Variants in ALDH7A1 observed in about 807,000 individuals in gnomAD.
ALDH7A1 encodes the protein aldehyde dehydrogenase 7 family member A1.
ALDH7A1 carries 63 observed loss-of-function variants against 79.9 expected under a neutral mutation model. The observed-to-expected ratio is 0.79, with a 90% CI of 0.64 to 0.97. The LOEUF (loss-of-function observed/expected upper bound fraction) is 0.97. Ranked by LOEUF, ALDH7A1 falls within the 50% of genes least tolerant of loss-of-function variation. The pLI is 0.00. For missense variants in ALDH7A1, 627 were observed against 665.2 expected (o/e 0.94, Z 0.63); for synonymous variants, 240 against 231.2 (o/e 1.04, Z -0.34).
At chr5:126,593,303 AATT>A in intron 2 of ALDH7A1, 45 bp downstream of exon 2, 3 of 1,588,650 alleles carry the variant, frequency 1.9e-6, no homozygotes, top group Non-Finnish European at 1.7e-6. Flanking sequence ...GTATAATTTG[AATT>A]AAACACACAC....
rs576390384 is a variant in ALDH7A1 at position 126,548,423 on chromosome 5, C to CTT, written c.1489+1504_1489+1505dup. ...ATGAGCCACCATGCCCAGCCCAAAA[C>CTT]TTTTTTTTTTTTTTTGCGGGGGAAG... On this transcript the variant is annotated intron_variant, in intron 16 of 17. Transcript: ENST00000409134. 8.0e-3 allele frequency among the ~76,000 whole-genome samples: 1,128 copies of CTT among 140,968 alleles called. 10 individuals carry two copies. Among genetic ancestry groups the CTT allele is most frequent in the African/African-American group, 0.022 (821 of 37,824 alleles). The allele number at this position is 140,968 out of a possible 152,430, so 92.5% of individuals were successfully genotyped here. A position where few individuals can be genotyped will look rare whatever the true frequency, so the allele number is the denominator to read the frequency against.
Position 126,565,170 on chromosome 5 carries a change from G to A in ALDH7A1, c.871+3089C>T, listed in dbSNP as rs575351846. ...AGCACTTCGGGAGGCCAAGGCGGGC[G>A]GATCACAAGGTCTGGAGTTTGAGAC... is the stretch of plus-strand genomic sequence containing the variant. On this transcript the variant is annotated intron_variant, in intron 9 of 17. Transcript: ENST00000409134. Among the ~76,000 whole-genome samples the A allele has an allele frequency of 6.6e-5, 10 of 152,102 alleles. No individual in the cohort carries two copies. In the East Asian group the frequency reaches 9.7e-4, roughly 15 times the overall value.
At chr5:126,580,011 G>A (rs753668304) in intron 5 of ALDH7A1, 4 of 167,298 alleles carry the variant, frequency 2.4e-5, no homozygotes, top group Admixed American at 1.3e-4. Flanking sequence ...TTAATTGTGA[G>A]GCAGGCATCA....
rs1311220773 is a variant in ALDH7A1, at chr5:126,544,119, G to A, written c.*846C>T. 1.3e-5 allele frequency: 2 copies of A among 151,966 alleles called. No homozygotes were observed. The highest frequency in any genetic ancestry group is 2.9e-5 in the Non-Finnish European group (2 of 68,044). 9.4% of individuals were successfully genotyped at this position (151,966 alleles called of 1,614,324 possible). A position where few individuals can be genotyped will look rare whatever the true frequency, so the allele number is the denominator to read the frequency against. On this transcript the variant is annotated 3_prime_UTR_variant, in exon 18 of 18. Coordinates refer to ENST00000409134, the MANE Select transcript of ALDH7A1 (RefSeq NM_001182.5). ...ATTACAGGTGCCTGCCACCACACTG[G>A]GCTAATTTTTGTATTTTTTGGTAAA...
Position 126,570,858 on chromosome 5 carries a change from T to C in ALDH7A1, c.697A>G (p.Ile233Val), listed in dbSNP as rs1750746231. 8.7e-6 allele frequency: 14 copies of C among 1,613,704 alleles called. No individual in the cohort carries two copies. The highest frequency in any genetic ancestry group is 1.2e-5 in the Non-Finnish European group (14 of 1,179,796). Residue 233 changes from isoleucine (I) to valine (V), a missense_variant and splice_region_variant, in exon 8 of 18, where the codon ATA becomes GTA. Physicochemically the swap from Ile to Val is conservative, Grantham distance 29 (BLOSUM62 3). Transcript: ENST00000409134. ...TSLISVAVTK[I>V]IAKVLEDNKL... ...TTGTCCTCCAGAACCTTGGCTATTA[T>C]CCTAGAAAGGAAAAAGCAATTACTG...
chr5:126,553,914 C>G (rs527530210), intron 13 of ALDH7A1, among the ~76,000 whole-genome samples: 12 of 152,108 alleles, frequency 7.9e-5, no homozygotes, highest in African/African-American at 2.9e-4. Flanking sequence ...TAGAGACCAG[C>G]CTGGCTAACA....
At chr5:126,559,428 G>A in intron 10 of ALDH7A1, 94 bp from the exon 11 acceptor site, 1 of 718,626 alleles carries the variant, frequency 1.4e-6, no homozygotes, top group Non-Finnish European at 2.1e-6. Flanking sequence ...TTTGTTTTTG[G>A]TTTTGGTTTT....
At chr5:126,580,250 C>T (rs1353111415) in intron 5 of ALDH7A1, among the ~76,000 whole-genome samples, 1 of 152,076 alleles carries the variant, frequency 6.6e-6, no homozygotes, top group Non-Finnish European at 1.5e-5. Flanking sequence ...AGGAATGTGC[C>T]ACCATGCCCA....
Position 126,544,757 on chromosome 5 carries a change from A to G in ALDH7A1, c.*208T>C. 2 of 564,450 alleles carry G rather than the reference A, an allele frequency of 3.5e-6. No individual in the cohort carries two copies. Among genetic ancestry groups the G allele is most frequent in the East Asian group, 6.0e-5 (2 of 33,326 alleles). 35.0% of individuals were successfully genotyped at this position (564,450 alleles called of 1,614,324 possible). On this transcript the variant is annotated 3_prime_UTR_variant, in exon 18 of 18. Coordinates refer to ENST00000409134, the MANE Select transcript of ALDH7A1 (RefSeq NM_001182.5). ...TAAAAATCCACCTAACTCATCTTTT[A>G]GTAACTATGGCTATGTTGTAACAAT...
intron 10 of ALDH7A1, among the ~76,000 whole-genome samples, chr5:126,559,696 G>A (rs1253385427): frequency 6.6e-6 from 1 of 152,156 alleles, no homozygotes; most frequent in Non-Finnish European, 1.5e-5. Flanking sequence ...GCCTCCCAAA[G>A]TGCTGGGATT....
At chr5:126,545,878 C>A (rs1454619677) in intron 17 of ALDH7A1, among the ~76,000 whole-genome samples, 1 of 151,530 alleles carries the variant, frequency 6.6e-6, no homozygotes, top group Non-Finnish European at 1.5e-5. Context: ...TTTGAGAGGC[C>A]GAGGCAGGCA....
At chr5:126,554,171 C>T (rs1470211965) in intron 13 of ALDH7A1, 116 bp downstream of exon 13, 1 of 768,392 alleles carries the variant, frequency 1.3e-6, no homozygotes, top group Non-Finnish European at 2.3e-6. Flanking sequence ...TAAATAAAGA[C>T]AGGAGAAGAA....
chr5:126,550,066 T>TA, intron 15 of ALDH7A1, 64 bp from the exon 16 acceptor site: 1 of 1,581,744 alleles, frequency 6.3e-7, no homozygotes, highest in Non-Finnish European at 8.7e-7. Context: ...CAAAAATAAA[T>TA]AAAAAATCTA....
Position 126,592,708 on chromosome 5 carries a change from C to T in ALDH7A1, c.268G>A (p.Glu90Lys). ...GCTTCTCTTGCTTTCTTTACAGTTT[C>T]TTCATAGTCTGCCACACTGGCCTAA... Reference protein sequence around the residue: ...VRQASVADYEETVKKAREAWK... With the variant: ...VRQASVADYEKTVKKAREAWK... Residue 90 changes from glutamate (E) to lysine (K), a missense_variant, in exon 3 of 18, where the codon GAA becomes AAA. Glu to Lys is a moderately conservative substitution (Grantham distance 56). Transcript: ENST00000409134. 1.2e-6 allele frequency: 2 copies of T among 1,614,078 alleles called. No homozygotes were observed. The highest frequency in any genetic ancestry group is 1.7e-6 in the Non-Finnish European group (2 of 1,179,994).
At chr5:126,590,463 G>A (rs1011338452) in intron 3 of ALDH7A1, among the ~76,000 whole-genome samples, 7 of 152,024 alleles carry the variant, frequency 4.6e-5, no homozygotes, top group Non-Finnish European at 7.4e-5. Flanking sequence ...GGAGACTGAG[G>A]CAGGAGAATC....
At chr5:126,583,582 T>C (rs865895748) in intron 4 of ALDH7A1, among the ~76,000 whole-genome samples, 56 of 151,476 alleles carry the variant, frequency 3.7e-4, no homozygotes, top group African/African-American at 1.3e-3. Flanking sequence ...ATGCCTATAA[T>C]CCCAGCACTT....
chr5:126,566,363 G>A (rs1266080441), intron 9 of ALDH7A1, among the ~76,000 whole-genome samples: 1 of 151,988 alleles, frequency 6.6e-6, no homozygotes, highest in Non-Finnish European at 1.5e-5. Context: ...TTGTTTTCTG[G>A]ATTTCATTTT....
At chr5:126,573,921 T>G (rs1434007625) in intron 7 of ALDH7A1, among the ~76,000 whole-genome samples, 1 of 140,988 alleles carries the variant, frequency 7.1e-6, no homozygotes, top group Admixed American at 7.5e-5. Flanking sequence ...TCCCAGCTAC[T>G]CGGGAGGCTG....
At chr5:126,563,848 G>GT (rs1750484153) in intron 9 of ALDH7A1, among the ~76,000 whole-genome samples, 1 of 151,834 alleles carries the variant, frequency 6.6e-6, no homozygotes, top group African/African-American at 2.4e-5. Flanking sequence ...GAATATAGTG[G>GT]TGCTATCATA....
Sources: allele counts gnomAD v4.1 joint callset (sites outside exome capture counted in the v4.1 genomes callset), GRCh38; gene constraint gnomAD v4.1.1; transcripts MANE v1.5; gene names NCBI Gene and HGNC (gene_info 2026-07-23, HGNC 2026-07-21).